PROCR: variants seen among roughly 807,000 people sequenced by gnomAD.
The protein encoded by PROCR is protein C receptor.
A neutral mutation model predicts 24.2 loss-of-function variants in PROCR; 22 were observed. The ratio of observed to expected loss-of-function variants is 0.91; its 90% CI spans 0.65 to 1.30. The LOEUF (loss-of-function observed/expected upper bound fraction) is 1.30, where lower values mean the gene tolerates loss of function less well. PROCR is among the 50% of genes most tolerant of loss of function. PROCR has a pLI of 0.00. For missense variants in PROCR, 288 were observed against 307.7 expected, an observed-to-expected ratio of 0.94 and a Z score of 0.48; for synonymous variants, 137 against 139.2, an observed-to-expected ratio of 0.98 and a Z score of 0.11.
At chr20:35,191,919 AAGG>A (rs1478616047) in intron 1 of PROCR, among the ~76,000 whole-genome samples, 1 of 152,188 alleles carries the variant, frequency 6.6e-6, no homozygotes, top group Non-Finnish European at 1.5e-5. Flanking sequence ...CAAAGTTTAA[AAGG>A]CAAAGAAATA....
chr20:35,186,566 CAA>C (rs571639984), intron 1 of PROCR, among the ~76,000 whole-genome samples: 36 of 50,130 alleles, frequency 7.2e-4, no homozygotes, highest in African/African-American at 1.5e-3. Flanking sequence ...AACTCCATCT[CAA>C]AAAAAAAAAA....
At chr20:35,208,671 T>A (rs1031353339) in intron 1 of PROCR, among the ~76,000 whole-genome samples, 7 of 152,162 alleles carry the variant, frequency 4.6e-5, no homozygotes, top group African/African-American at 1.4e-4. Context: ...AGTGCTTACA[T>A]TTGTTCATTT....
At chr20:35,182,394 G>A (rs1057144392) in intron 1 of PROCR, among the ~76,000 whole-genome samples, 1 of 151,354 alleles carries the variant, frequency 6.6e-6, no homozygotes, top group East Asian at 1.9e-4. Context: ...CAACCTCCTG[G>A]GCTCAAAAAA....
chr20:35,190,492 C>G (rs2086164574), intron 1 of PROCR, among the ~76,000 whole-genome samples: 2 of 152,184 alleles, frequency 1.3e-5, no homozygotes, highest in African/African-American at 4.8e-5. Context: ...AAAAACAAAA[C>G]CCATTATTTT....
intron 1 of PROCR, among the ~76,000 whole-genome samples, chr20:35,184,533 TACTA>T (rs1206137941): frequency 5.3e-5 from 8 of 151,800 alleles, no homozygotes; most frequent in South Asian, 2.1e-4. Flanking sequence ...AACCCATCTC[TACTA>T]AAAATACAAA....
chr20:35,189,394 G>A (rs2086154717), intron 1 of PROCR, among the ~76,000 whole-genome samples: 1 of 152,178 alleles, frequency 6.6e-6, no homozygotes, highest in Admixed American at 6.5e-5. Flanking sequence ...TTCCAGCCTG[G>A]CGAATTCTAG....
intron 2 of PROCR, among the ~76,000 whole-genome samples, chr20:35,175,861 A>C (rs1263406102): frequency 6.6e-6 from 1 of 150,716 alleles, no homozygotes; most frequent in African/African-American, 2.4e-5. Flanking sequence ...CTGGGATTAC[A>C]GGCGTGAGCT....
At chr20:35,179,335 G>A (rs1319316916), downstream of PROCR, among the ~76,000 whole-genome samples, 1 of 151,538 alleles carries the variant, frequency 6.6e-6, no homozygotes, top group Non-Finnish European at 1.5e-5. Flanking sequence ...TGAGCTCAGG[G>A]GTTTGAGACC....
intron 1 of PROCR, among the ~76,000 whole-genome samples, chr20:35,204,127 A>G: frequency 6.6e-6 from 1 of 152,220 alleles, no homozygotes; most frequent in East Asian, 1.9e-4. Flanking sequence ...TTAAAAGGAT[A>G]ATAAGAGAAT....
intron 1 of PROCR, among the ~76,000 whole-genome samples, chr20:35,203,856 C>CT (rs2060328188): frequency 6.6e-6 from 1 of 152,002 alleles, no homozygotes; most frequent in African/African-American, 2.4e-5. Flanking sequence ...TCAAATCATA[C>CT]TCTAAGCTTC....
chr20:35,193,110 C>T (rs1217336367), intron 1 of PROCR, among the ~76,000 whole-genome samples: 1 of 151,650 alleles, frequency 6.6e-6, no homozygotes, highest in Non-Finnish European at 1.5e-5. Context: ...ATATTGGTTA[C>T]ATTTGGGAAG....
chr20:35,204,178 G>C (rs1472227219), intron 1 of PROCR, among the ~76,000 whole-genome samples: 3 of 152,122 alleles, frequency 2.0e-5, no homozygotes, highest in Non-Finnish European at 2.9e-5. Context: ...ACAACTTAGA[G>C]GAAATGGACC....
chr20:35,184,179 C>G (rs1012184255), intron 1 of PROCR, among the ~76,000 whole-genome samples: 20 of 152,188 alleles, frequency 1.3e-4, no homozygotes, highest in Admixed American at 6.5e-5. Context: ...GTCACCAAAA[C>G]AGCATGATAC....
At chr20:35,215,823 G>T in intron 1 of PROCR, 1 of 977,624 alleles carries the variant, frequency 1.0e-6, no homozygotes, top group East Asian at 1.1e-4. Flanking sequence ...GGAAGGAGGA[G>T]AGAGGTCAAG....
At chr20:35,192,674 C>A (rs371882157) in intron 1 of PROCR, among the ~76,000 whole-genome samples, 11 of 152,224 alleles carry the variant, frequency 7.2e-5, no homozygotes, top group Middle Eastern at 6.8e-3. Flanking sequence ...ACTTTCCCCC[C>A]ACCTCCCTCT....
intron 1 of PROCR, among the ~76,000 whole-genome samples, chr20:35,192,568 C>T (rs1368090155): frequency 2.6e-5 from 4 of 152,154 alleles, no homozygotes; most frequent in African/African-American, 9.7e-5. Flanking sequence ...GCTTCCCTAT[C>T]TTAGTGCACC....
In PROCR at chr20:35,176,751, A is replaced by G. The variant is rs867186; in HGVS notation, c.655A>G (p.Ser219Gly). 156,250 of 1,613,772 alleles carry G rather than the reference A, an allele frequency of 0.097. 8,351 individuals are homozygous for G. Among genetic ancestry groups the G allele is most frequent in the South Asian group, 0.18 (16,007 of 90,992 alleles). Reference sequence around the variant, plus strand: ...GCTGGTCCTGGGCGTCCTGGTGGGCAGTTTCATCATTGCTGGTGTGGCTGT... The same window carrying G: ...GCTGGTCCTGGGCGTCCTGGTGGGCGGTTTCATCATTGCTGGTGTGGCTGT... The part of the protein sequence containing the change: ...TSLVLGVLVG[S>G]FIIAGVAVGI... Residue 219 changes from serine (S) to glycine (G), a missense_variant, in exon 4 of 4, where the codon AGT becomes GGT. Physicochemically the swap from Ser to Gly is moderately conservative, Grantham distance 56 (BLOSUM62 0). Transcript: ENST00000216968.
chr20:35,171,662 A>T (rs551823718), upstream of PROCR, among the ~76,000 whole-genome samples: 3 of 152,288 alleles, frequency 2.0e-5, no homozygotes, highest in African/African-American at 7.2e-5. Context: ...TTAATCTTGG[A>T]TCTGTCACCA....
chr20:35,202,475 G>C (rs2060322659), intron 1 of PROCR: 1 of 136,004 alleles, frequency 7.4e-6, no homozygotes, highest in Non-Finnish European at 1.6e-5. Flanking sequence ...AAAAGACAAA[G>C]ATTATCGGAT....
Sources: allele counts gnomAD v4.1 joint callset (sites outside exome capture counted in the v4.1 genomes callset), GRCh38; gene constraint gnomAD v4.1.1; transcripts MANE v1.5; gene names NCBI Gene and HGNC (gene_info 2026-07-23, HGNC 2026-07-21).